The following SLC39A11 variants were observed in gnomAD, a reference collection of about 807,000 sequenced individuals.
The protein encoded by SLC39A11 is zinc transporter ZIP11.
Under a neutral mutation model 36.1 loss-of-function variants are expected in SLC39A11, and 33 were observed. That is an observed-to-expected ratio of 0.91 (90% CI 0.69 to 1.22). SLC39A11 has a LOEUF of 1.22. Among genes scored for constraint, SLC39A11 ranks in the 50% most tolerant of loss-of-function variants. SLC39A11 has a pLI of 0.00. For synonymous variants in SLC39A11, 166 were observed against 170.3 expected (o/e 0.97, Z 0.20); for missense variants, 432 against 430.3 (o/e 1.00, Z -0.03).
intron 4 of SLC39A11, among the ~76,000 whole-genome samples, chr17:73,006,651 A>AC (rs2090193547): frequency 2.0e-5 from 3 of 149,132 alleles, no homozygotes; most frequent in Admixed American, 6.7e-5. Context: ...TCAGTTTGTA[A>AC]ACACACACAC....
chr17:72,983,885 G>A (rs928413485), intron 4 of SLC39A11, among the ~76,000 whole-genome samples: 3 of 152,166 alleles, frequency 2.0e-5, no homozygotes, highest in African/African-American at 7.2e-5. Context: ...CTCACCATCT[G>A]GGCAAGGCTC....
chr17:72,816,570 G>A (rs2077591629), intron 6 of SLC39A11, among the ~76,000 whole-genome samples: 1 of 152,172 alleles, frequency 6.6e-6, no homozygotes, highest in Admixed American at 6.5e-5. Context: ...GGCTAACAGA[G>A]AGGGTGATCC....
At chr17:72,813,957 C>T (rs569928124) in intron 6 of SLC39A11, among the ~76,000 whole-genome samples, 113 of 152,258 alleles carry the variant, frequency 7.4e-4, no homozygotes, top group African/African-American at 2.7e-3. Context: ...CCATGAGAAC[C>T]GCTTTCTTGA....
intron 6 of SLC39A11, among the ~76,000 whole-genome samples, chr17:72,800,673 T>C (rs1241420647): frequency 2.6e-5 from 4 of 152,018 alleles, no homozygotes; most frequent in Non-Finnish European, 5.9e-5. Context: ...ACACCTTCAG[T>C]AAAACCATTT....
At chr17:72,788,838 G>A (rs1022573119) in intron 6 of SLC39A11, among the ~76,000 whole-genome samples, 4 of 152,216 alleles carry the variant, frequency 2.6e-5, no homozygotes, top group Admixed American at 6.5e-5. Context: ...AGAGTATGAG[G>A]CATGGATGGA....
intron 6 of SLC39A11, among the ~76,000 whole-genome samples, chr17:72,793,606 A>C (rs1160025884): frequency 6.6e-6 from 1 of 152,114 alleles, no homozygotes; most frequent in African/African-American, 2.4e-5. Context: ...TTTTTTTTTA[A>C]AAACACAGAG....
In SLC39A11 at chr17:72,701,281, T is replaced by A. The variant is rs1476572917; in HGVS notation, c.671+35369A>T. Reference sequence around the variant, plus strand: ...GCTGATCAAGCCTCAGAAGTGGGGATCTATGGAGGACAAAAACTAGCTCCG... The same window carrying A: ...GCTGATCAAGCCTCAGAAGTGGGGAACTATGGAGGACAAAAACTAGCTCCG... On this transcript the variant is annotated intron_variant, in intron 7 of 9. Coordinates refer to ENST00000255559, the MANE Select transcript of SLC39A11 (RefSeq NM_139177.4). 3.3e-5 allele frequency among the ~76,000 whole-genome samples: 5 copies of A among 152,064 alleles called. No individual in the cohort carries two copies. In the East Asian group the frequency reaches 5.8e-4, roughly 18 times the overall value.
intron 7 of SLC39A11, among the ~76,000 whole-genome samples, chr17:72,681,344 G>A (rs959139755): frequency 1.1e-4 from 16 of 152,168 alleles, no homozygotes; most frequent in South Asian, 2.1e-4. Flanking sequence ...GCAGCTAGAG[G>A]CCATGTAAGT....
At chr17:72,661,902 C>T (rs1363796188) in intron 7 of SLC39A11, among the ~76,000 whole-genome samples, 2 of 152,174 alleles carry the variant, frequency 1.3e-5, no homozygotes, top group Non-Finnish European at 2.9e-5. Context: ...TTCAGGCCAC[C>T]ACTGTGCACT....
chr17:73,082,402 A>G (rs8069138), intron 3 of SLC39A11, among the ~76,000 whole-genome samples: 48,647 of 152,006 alleles, frequency 0.32, 8,161 homozygotes, highest in Middle Eastern at 0.53. Flanking sequence ...TCATTCATCT[A>G]TATGAGGATA....
chr17:72,774,797 T>A (rs747998825), intron 6 of SLC39A11, among the ~76,000 whole-genome samples: 2 of 152,170 alleles, frequency 1.3e-5, no homozygotes, highest in African/African-American at 4.8e-5. Context: ...TCTAGCTACA[T>A]ACATTTGCCA....
chr17:72,949,205 G>GCTGGAGT (rs2085681706), intron 4 of SLC39A11, among the ~76,000 whole-genome samples: 1 of 112,154 alleles, frequency 8.9e-6, no homozygotes, highest in Non-Finnish European at 1.7e-5. Context: ...TGTCACCTAG[G>GCTGGAGT]CTGGAGTGCA....
intron 7 of SLC39A11, among the ~76,000 whole-genome samples, chr17:72,698,301 C>A (rs539260798): frequency 6.6e-6 from 1 of 152,234 alleles, no homozygotes; most frequent in South Asian, 2.1e-4. Context: ...CAGAACTAAA[C>A]TGATGTGGTT....
At chr17:72,815,178 A>G (rs776355267) in intron 6 of SLC39A11, among the ~76,000 whole-genome samples, 15 of 152,226 alleles carry the variant, frequency 9.9e-5, no homozygotes, top group Non-Finnish European at 2.2e-4. Context: ...CTGCTCATCA[A>G]TACCTAAAAC....
At chr17:72,698,066 G>A (rs547161308) in intron 7 of SLC39A11, among the ~76,000 whole-genome samples, 5 of 152,294 alleles carry the variant, frequency 3.3e-5, no homozygotes, top group Non-Finnish European at 5.9e-5. Flanking sequence ...TGTTCTACGC[G>A]GGCCTGGTTT....
intron 4 of SLC39A11, among the ~76,000 whole-genome samples, chr17:73,007,364 T>A (rs962479622): frequency 6.6e-6 from 1 of 152,054 alleles, no homozygotes; most frequent in Admixed American, 6.6e-5. Flanking sequence ...AAGGTTGCAG[T>A]GAGCCAAGAT....
chr17:73,056,421 G>A (rs1253998136), intron 3 of SLC39A11, among the ~76,000 whole-genome samples: 8 of 152,038 alleles, frequency 5.3e-5, no homozygotes, highest in South Asian at 2.1e-4. Context: ...CACCCGCCTC[G>A]GCCTCCCAAA....
At chr17:72,702,939 C>CAAAAAAAAAAAAAAAAAAA (rs57566412) in intron 7 of SLC39A11, among the ~76,000 whole-genome samples, 9 of 86,828 alleles carry the variant, frequency 1.0e-4, no homozygotes, top group African/African-American at 4.1e-4. Context: ...TCCATCTCAC[C>CAAAAAAAAAAAAAAAAAAA]AAAAAAAAAA....
chr17:73,011,721 G>A (rs1278539841), intron 4 of SLC39A11, among the ~76,000 whole-genome samples: 1 of 150,872 alleles, frequency 6.6e-6, no homozygotes, highest in Non-Finnish European at 1.5e-5. Flanking sequence ...GAGTGCAGCG[G>A]CGCGATCTTG....
Sources: gnomAD v4.1 joint callset for allele counts (sites outside exome capture counted in the v4.1 genomes callset) on GRCh38, gnomAD v4.1.1 for gene constraint, MANE v1.5 for transcripts, NCBI Gene and HGNC (gene_info 2026-07-23, HGNC 2026-07-21) for gene names.